Variants in RAD51B observed in about 807,000 individuals in gnomAD.
The protein encoded by RAD51B is DNA repair protein RAD51 homolog 2.
Under a neutral mutation model 42.2 loss-of-function variants are expected in RAD51B, and 38 were observed. The observed-to-expected ratio is 0.90, with a 90% CI of 0.70 to 1.18. The LOEUF (loss-of-function observed/expected upper bound fraction) is 1.18. Among genes scored for constraint, RAD51B ranks in the 50% most tolerant of loss-of-function variants. RAD51B has a pLI of 0.00. For synonymous variants in RAD51B, 154 were observed against 145.2 expected (o/e 1.06, Z -0.43); for missense variants, 373 against 400.7 (o/e 0.93, Z 0.59).
At chr14:68,662,908 G>A (rs1892962055) in intron 11 of RAD51B, among the ~76,000 whole-genome samples, 1 of 152,188 alleles carries the variant, frequency 6.6e-6, no homozygotes, top group Non-Finnish European at 1.5e-5. Flanking sequence ...CCTCCCCACT[G>A]CTCTGTACCC....
At chr14:68,680,299 C>T (rs748340436) in intron 11 of RAD51B, among the ~76,000 whole-genome samples, 2 of 152,102 alleles carry the variant, frequency 1.3e-5, no homozygotes, top group Non-Finnish European at 2.9e-5. Flanking sequence ...TGTGATGTTA[C>T]TGACTGTGGA....
intron 3 of RAD51B, among the ~76,000 whole-genome samples, chr14:67,826,749 C>T (rs2040847916): frequency 1.4e-5 from 2 of 145,464 alleles, no homozygotes; most frequent in Admixed American, 1.4e-4. Context: ...GTGGTGTGAT[C>T]TCGGCTCAGT....
At chr14:68,345,337 C>A (rs537755343) in intron 8 of RAD51B, among the ~76,000 whole-genome samples, 2 of 152,286 alleles carry the variant, frequency 1.3e-5, no homozygotes, top group African/African-American at 2.4e-5. Context: ...ATGTTAAAAT[C>A]CCCAGTGTTG....
intron 9 of RAD51B, among the ~76,000 whole-genome samples, chr14:68,437,154 T>G (rs1297137937): frequency 6.6e-6 from 1 of 152,184 alleles, no homozygotes; most frequent in Non-Finnish European, 1.5e-5. Context: ...GCTGTGGGTT[T>G]GTTATAGATG....
downstream of RAD51B, among the ~76,000 whole-genome samples, chr14:68,612,075 T>G (rs4902616): frequency 2.0e-5 from 3 of 151,582 alleles, no homozygotes; most frequent in Non-Finnish European, 4.4e-5. Context: ...ATTTTAAAAG[T>G]GCTCTACACT....
At chr14:68,272,457 G>T (rs898847132) in intron 7 of RAD51B, among the ~76,000 whole-genome samples, 3 of 150,920 alleles carry the variant, frequency 2.0e-5, no homozygotes, top group African/African-American at 7.3e-5. Context: ...TTCCATCTTT[G>T]TAAATAAATA....
downstream of RAD51B, among the ~76,000 whole-genome samples, chr14:68,597,462 A>C (rs1196524054): frequency 6.6e-6 from 1 of 152,254 alleles, no homozygotes; most frequent in Non-Finnish European, 1.5e-5. Context: ...CTATGCAGCC[A>C]TAAAAAGAAC....
At chr14:68,113,744 A>G in intron 7 of RAD51B, 1 of 152,068 alleles carries the variant, frequency 6.6e-6, no homozygotes, top group East Asian at 1.9e-4. Context: ...GACTGAATGG[A>G]GCCCTTATCA....
chr14:68,424,954 A>T (rs2084797710), intron 9 of RAD51B, among the ~76,000 whole-genome samples: 2 of 151,850 alleles, frequency 1.3e-5, no homozygotes, highest in Non-Finnish European at 2.9e-5. Context: ...TTAAAATTTT[A>T]TGTAGAGATG....
At chr14:68,259,809 G>C (rs1298045463) in intron 7 of RAD51B, among the ~76,000 whole-genome samples, 1 of 152,056 alleles carries the variant, frequency 6.6e-6, no homozygotes, top group Non-Finnish European at 1.5e-5. Context: ...TGATACTGTG[G>C]ACCAAGCAGC....
At chr14:68,275,400 TGTCA>T (rs1471226303) in intron 7 of RAD51B, among the ~76,000 whole-genome samples, 1 of 152,156 alleles carries the variant, frequency 6.6e-6, no homozygotes, top group Non-Finnish European at 1.5e-5. Flanking sequence ...AAAGCATTCT[TGTCA>T]GTCATGTTGA....
chr14:68,455,491 G>A (rs2085661048), intron 9 of RAD51B, among the ~76,000 whole-genome samples: 1 of 152,102 alleles, frequency 6.6e-6, no homozygotes, highest in African/African-American at 2.4e-5. Flanking sequence ...GTCAAGACAG[G>A]TAGATCACGA....
At chr14:67,851,897 G>T (rs1406357108) in intron 4 of RAD51B, among the ~76,000 whole-genome samples, 2 of 151,992 alleles carry the variant, frequency 1.3e-5, no homozygotes, top group Non-Finnish European at 2.9e-5. Context: ...CAAGTCAGGA[G>T]GCCCTGCCCT....
chr14:67,826,438 A>G (rs1208735464), intron 3 of RAD51B, among the ~76,000 whole-genome samples: 1 of 152,196 alleles, frequency 6.6e-6, no homozygotes, highest in Non-Finnish European at 1.5e-5. Flanking sequence ...CAAAATGTAG[A>G]TTTGGAGCAT....
intron 10 of RAD51B, among the ~76,000 whole-genome samples, chr14:68,508,689 A>C (rs983684855): frequency 6.6e-6 from 1 of 152,316 alleles, no homozygotes; most frequent in East Asian, 1.9e-4. Flanking sequence ...CCAAGGCAGC[A>C]GCTTCCTTGG....
At chr14:68,611,135 G>T (rs543200829) in exon 11 of RAD51B, 1 of 703,020 alleles carries the variant, frequency 1.4e-6, no homozygotes, top group Admixed American at 2.0e-5. Context: ...CTGTTACCCA[G>T]TGTCTCCATG....
chr14:67,945,730 C>G (rs1348735449), intron 7 of RAD51B, among the ~76,000 whole-genome samples: 1 of 152,164 alleles, frequency 6.6e-6, no homozygotes, highest in Non-Finnish European at 1.5e-5. Context: ...CTCAGCCTCC[C>G]AAAGTGCTGG....
At chr14:68,626,828 A>G (rs1031691895) in intron 10 of RAD51B, among the ~76,000 whole-genome samples, 2 of 152,254 alleles carry the variant, frequency 1.3e-5, no homozygotes, top group African/African-American at 4.8e-5. Context: ...GGTGAGAAGC[A>G]GCTCATGAAT....
chr14:68,005,345 C>T (rs1337615758), intron 7 of RAD51B, among the ~76,000 whole-genome samples: 1 of 152,042 alleles, frequency 6.6e-6, no homozygotes, highest in Non-Finnish European at 1.5e-5. Context: ...AGCCACCATG[C>T]CTGGCCCATT....
Sources: gnomAD v4.1 joint callset for allele counts (sites outside exome capture counted in the v4.1 genomes callset) on GRCh38, gnomAD v4.1.1 for gene constraint, MANE v1.5 for transcripts, NCBI Gene and HGNC (gene_info 2026-07-23, HGNC 2026-07-21) for gene names.